The following CSMD3 variants were observed in gnomAD, a reference collection of about 807,000 sequenced individuals.
The protein encoded by CSMD3 is CUB and Sushi multiple domains 3.
A neutral mutation model predicts 435.2 loss-of-function variants in CSMD3; 177 were observed. The observed-to-expected ratio is 0.41, with a 90% confidence interval of 0.36 to 0.46. The LOEUF is 0.46. CSMD3 is among the 20% of genes least tolerant of loss of function. The pLI is 0.34. For missense variants in CSMD3, 4,265 were observed against 4,504.6 expected, an observed-to-expected ratio of 0.95 and a Z score of 1.52; for synonymous variants, 1,656 against 1,520.5, an observed-to-expected ratio of 1.09 and a Z score of -2.07.
At chr8:113,335,789 T>C (rs1203592382) in intron 1 of CSMD3, among the ~76,000 whole-genome samples, 1 of 152,008 alleles carries the variant, frequency 6.6e-6, no homozygotes, top group Non-Finnish European at 1.5e-5. Context: ...ACCGTGTTGT[T>C]GAGTACTTCT....
chr8:113,089,792 G>A (rs1048184434), intron 5 of CSMD3, among the ~76,000 whole-genome samples: 8 of 151,826 alleles, frequency 5.3e-5, no homozygotes, highest in South Asian at 2.1e-4. Context: ...CTGCTTTCTC[G>A]AGAACTGAAA....
chr8:112,947,763 A>G, intron 9 of CSMD3, 27 bp downstream of exon 9: 1 of 894,342 alleles, frequency 1.1e-6, no homozygotes, highest in South Asian at 1.3e-5. Context: ...CAAGATAAAT[A>G]ATGAAGTCAA....
chr8:112,528,298 T>C (rs1825187192), intron 27 of CSMD3, among the ~76,000 whole-genome samples: 1 of 152,092 alleles, frequency 6.6e-6, no homozygotes, highest in African/African-American at 2.4e-5. Context: ...AATTTATTCA[T>C]TAAAAAAAAC....
At chr8:113,327,595 G>A (rs79735154) in intron 1 of CSMD3, among the ~76,000 whole-genome samples, 1,760 of 152,054 alleles carry the variant, frequency 0.012, 23 homozygotes, top group African/African-American at 0.032. Flanking sequence ...GCAATCAGGG[G>A]GAACAGACCA....
intron 59 of CSMD3, among the ~76,000 whole-genome samples, chr8:112,274,359 G>A (rs1817829780): frequency 6.6e-6 from 1 of 152,210 alleles, no homozygotes; most frequent in South Asian, 2.1e-4. Flanking sequence ...TTTCAAGTCT[G>A]TGGCACAGGG....
Position 112,405,183 on chromosome 8 carries a change from C to CAAAAAAAAAAAA in CSMD3, c.5809+1329_5809+1340dup. On this transcript the variant is annotated intron_variant, in intron 35 of 70. Transcript: ENST00000297405. ...TGAGCGACACAGCAAGACTCTCTCT[C>CAAAAAAAAAAAA]AAAAAAAAAAAAAAAAAAAAAAAAA... Among the ~76,000 whole-genome samples, 2 of 6,770 alleles carry CAAAAAAAAAAAA rather than the reference C, an allele frequency of 3.0e-4. 1 individual carries two copies. Among genetic ancestry groups the CAAAAAAAAAAAA allele is most frequent in the Non-Finnish European group, 4.7e-4 (2 of 4,278 alleles). 4.4% of individuals were successfully genotyped at this position (6,770 alleles called of 152,430 possible). A position where few individuals can be genotyped will look rare whatever the true frequency, so the allele number is the denominator to read the frequency against.
intron 5 of CSMD3, among the ~76,000 whole-genome samples, chr8:113,083,205 C>G (rs2089633357): frequency 6.6e-6 from 1 of 151,216 alleles, no homozygotes; most frequent in Non-Finnish European, 1.5e-5. Flanking sequence ...ATTGAAACTG[C>G]CAAAATCAAA....
rs767085654 is a variant in CSMD3, at chr8:112,234,408, G to A, written c.10697C>T (p.Ser3566Phe). ...ATTTTCTTCCTTCATTTTCTTCACA[G>A]AAGCATGAGCAGGTACTTTAATAAG... ...IYLIKVPAHA[S>F]VKKMKEENWA... The change falls in exon 68 of 71, where the codon TCT becomes TTT. Residue 3566 changes from serine (S) to phenylalanine (F), a missense_variant. Coordinates refer to ENST00000297405, the MANE Select transcript of CSMD3 (RefSeq NM_198123.2). 2 of 1,613,136 alleles carry A rather than the reference G, an allele frequency of 1.2e-6. No homozygotes were observed. Among genetic ancestry groups the A allele is most frequent in the Non-Finnish European group, 1.7e-6 (2 of 1,179,582 alleles).
intron 49 of CSMD3, among the ~76,000 whole-genome samples, chr8:112,312,337 G>A (rs947203825): frequency 6.6e-6 from 1 of 151,834 alleles, no homozygotes; most frequent in African/African-American, 2.4e-5. Context: ...TCATTGCAAC[G>A]CCCACCTCCC....
intron 3 of CSMD3, among the ~76,000 whole-genome samples, chr8:113,205,843 T>C (rs1294503806): frequency 2.0e-5 from 3 of 152,196 alleles, no homozygotes; most frequent in African/African-American, 2.4e-5. Flanking sequence ...GCATTAGAAT[T>C]GCAGTTTACA....
intron 32 of CSMD3, among the ~76,000 whole-genome samples, chr8:112,452,494 TTAAG>T (rs1816396321): frequency 1.3e-5 from 2 of 152,214 alleles, no homozygotes; most frequent in Non-Finnish European, 2.9e-5. Flanking sequence ...AGTTCTGTGA[TTAAG>T]TTTCTTTAAA....
intron 3 of CSMD3, among the ~76,000 whole-genome samples, chr8:113,254,198 G>A (rs535250714): frequency 2.6e-5 from 4 of 152,246 alleles, no homozygotes; most frequent in Middle Eastern, 6.8e-3. Context: ...TAGGCAGTTA[G>A]TGAGGATAAG....
At chr8:112,406,813 G>C in intron 34 of CSMD3, 86 bp from the exon 35 acceptor site, 1 of 767,698 alleles carries the variant, frequency 1.3e-6, no homozygotes, top group Non-Finnish European at 2.0e-6. Context: ...ACATTTTTGA[G>C]AAATCATCAC....
chr8:113,155,199 T>A (rs893571305), intron 4 of CSMD3, among the ~76,000 whole-genome samples: 5 of 151,978 alleles, frequency 3.3e-5, no homozygotes, highest in African/African-American at 1.2e-4. Flanking sequence ...CAGAAAATGA[T>A]TACAACCTAA....
chr8:113,156,970 G>C lies in CSMD3; in HGVS notation c.709+16752C>G, dbSNP rs1393077064. 4.7e-5 allele frequency among the ~76,000 whole-genome samples: 7 copies of C among 148,156 alleles called. No homozygotes were observed. The East Asian group carries it at 1.2e-3, about 26-fold the overall frequency. Reference sequence around the variant, plus strand: ...AGAGAGAGAGAGACAGAGACAGAGAGAGAGAGATGGTTTGTTTGTATTGTA... The same window carrying C: ...AGAGAGAGAGAGACAGAGACAGAGACAGAGAGATGGTTTGTTTGTATTGTA... On this transcript the variant is annotated intron_variant, in intron 4 of 70. Coordinates refer to ENST00000297405, the MANE Select transcript of CSMD3 (RefSeq NM_198123.2).
intron 4 of CSMD3, among the ~76,000 whole-genome samples, chr8:113,133,124 A>G (rs2091326072): frequency 6.6e-6 from 1 of 152,166 alleles, no homozygotes; most frequent in Non-Finnish European, 1.5e-5. Flanking sequence ...TCAACAGAGT[A>G]AAAGGCAATC....
intron 22 of CSMD3, among the ~76,000 whole-genome samples, chr8:112,589,917 C>T (rs1831037402): frequency 6.6e-6 from 1 of 152,012 alleles, no homozygotes; most frequent in South Asian, 2.1e-4. Context: ...AAATGTATGA[C>T]TCAGAAGATT....
intron 5 of CSMD3, among the ~76,000 whole-genome samples, chr8:113,068,074 T>G (rs1484091369): frequency 6.6e-6 from 1 of 152,184 alleles, no homozygotes; most frequent in African/African-American, 2.4e-5. Flanking sequence ...ACTGTTCATG[T>G]GAAATTTTGT....
chr8:112,941,522 G>A (rs2130768190), intron 9 of CSMD3, among the ~76,000 whole-genome samples: 1 of 151,850 alleles, frequency 6.6e-6, no homozygotes, highest in South Asian at 2.1e-4. Context: ...CCATGGAAAT[G>A]CAGATCAGAG....
Sources: gnomAD v4.1 joint callset for allele counts (sites outside exome capture counted in the v4.1 genomes callset) on GRCh38, gnomAD v4.1.1 for gene constraint, MANE v1.5 for transcripts, NCBI Gene and HGNC (gene_info 2026-07-23, HGNC 2026-07-21) for gene names.